TBXAS1: variants seen among roughly 807,000 people sequenced by gnomAD.
TBXAS1 encodes the protein thromboxane-A synthase.
A neutral mutation model predicts 60.7 loss-of-function variants in TBXAS1; 48 were observed. The ratio of observed to expected loss-of-function variants is 0.79; its 90% CI spans 0.63 to 1.01. The LOEUF is 1.01. TBXAS1 is among the 50% of genes least tolerant of loss of function. The pLI, the probability that TBXAS1 is intolerant of heterozygous loss-of-function variation, is 0.00. For missense variants in TBXAS1, 685 were observed against 686.3 expected (o/e 1.00, Z 0.02); for synonymous variants, 287 against 269.7 (o/e 1.06, Z -0.63).
intron 1 of TBXAS1, among the ~76,000 whole-genome samples, chr7:139,836,827 A>G (rs1209530968): frequency 6.6e-6 from 1 of 152,236 alleles, no homozygotes; most frequent in Non-Finnish European, 1.5e-5. Context: ...ACCTAATTAA[A>G]CTAAAGAGCT....
intron 5 of TBXAS1, among the ~76,000 whole-genome samples, chr7:139,941,909 G>A (rs1032535664): frequency 5.3e-5 from 8 of 152,214 alleles, no homozygotes; most frequent in Non-Finnish European, 8.8e-5. Flanking sequence ...GGGGACCCAG[G>A]TTAGCACTAG....
At chr7:139,820,920 C>G (rs1798279333) in intron 4 of TBXAS1, among the ~76,000 whole-genome samples, 1 of 152,212 alleles carries the variant, frequency 6.6e-6, no homozygotes, top group South Asian at 2.1e-4. Flanking sequence ...GTGGGTGTCT[C>G]TAAATCTAAG....
chr7:140,018,263 G>C (rs117670396), intron 12 of TBXAS1, among the ~76,000 whole-genome samples: 2,326 of 152,256 alleles, frequency 0.015, 28 homozygotes, highest in Non-Finnish European at 0.025. Context: ...CCTACAGAAG[G>C]TGGGGACACT....
chr7:139,920,656 T>A (rs568775345), intron 4 of TBXAS1, among the ~76,000 whole-genome samples: 41 of 152,328 alleles, frequency 2.7e-4, no homozygotes, highest in Non-Finnish European at 4.9e-4. Context: ...GCAACCCCAG[T>A]TACCAGCTTG....
At chr7:139,838,179 G>C (rs1271709713) in intron 1 of TBXAS1, among the ~76,000 whole-genome samples, 1 of 152,132 alleles carries the variant, frequency 6.6e-6, no homozygotes, top group African/African-American at 2.4e-5. Flanking sequence ...ACGCTGTCTG[G>C]GTGCTGTGAA....
intron 9 of TBXAS1, among the ~76,000 whole-genome samples, chr7:139,982,222 C>G (rs1038684590): frequency 6.6e-6 from 1 of 152,178 alleles, no homozygotes; most frequent in African/African-American, 2.4e-5. Context: ...TCACATTTAA[C>G]TGAATGGTTA....
At chr7:139,926,062 G>A (rs542850370) in intron 4 of TBXAS1, among the ~76,000 whole-genome samples, 1 of 152,078 alleles carries the variant, frequency 6.6e-6, no homozygotes, top group East Asian at 1.9e-4. Context: ...TTTTGCATCA[G>A]TGTTCTTCAG....
intron 3 of TBXAS1, among the ~76,000 whole-genome samples, chr7:139,880,766 T>G (rs1297554886): frequency 6.6e-6 from 1 of 152,234 alleles, no homozygotes; most frequent in Non-Finnish European, 1.5e-5. Context: ...ACCATCGCAG[T>G]GAAGATTTTC....
At chr7:140,014,434 G>A (rs1452093311) in intron 10 of TBXAS1, among the ~76,000 whole-genome samples, 1 of 152,180 alleles carries the variant, frequency 6.6e-6, no homozygotes, top group Admixed American at 6.5e-5. Flanking sequence ...AGGAGGCTTA[G>A]GAGATAATGG....
rs79405367 is a variant in TBXAS1, at chr7:139,979,296, G to A, written c.1134+17063G>A. Reference sequence around the variant, plus strand: ...ACTAAATCCCTAACGACATTAGAGCGAATAAATGGCATTTTTAACTTCAGC... The same window carrying A: ...ACTAAATCCCTAACGACATTAGAGCAAATAAATGGCATTTTTAACTTCAGC... On this transcript the variant is annotated intron_variant, in intron 9 of 12. Transcript: ENST00000448866. 3.5e-4 allele frequency among the ~76,000 whole-genome samples: 53 copies of A among 152,194 alleles called. 1 individual carries two copies. The East Asian group carries it at 7.7e-3, about 22-fold the overall frequency.
intron 8 of TBXAS1, 35 bp downstream of exon 8, chr7:139,957,799 G>T: frequency 6.2e-7 from 1 of 1,613,432 alleles, no homozygotes; most frequent in South Asian, 1.1e-5. Flanking sequence ...CCTTGAAATG[G>T]AATGGAGCCG....
intron 7 of TBXAS1, among the ~76,000 whole-genome samples, 155 bp downstream of exon 7, chr7:139,955,762 G>T (rs548609228): frequency 2.0e-5 from 3 of 152,178 alleles, no homozygotes; most frequent in Non-Finnish European, 4.4e-5. Flanking sequence ...GAGCCACCGG[G>T]TTCCTCTTGT....
intron 10 of TBXAS1, among the ~76,000 whole-genome samples, chr7:140,007,434 T>C (rs1814176949): frequency 1.3e-5 from 2 of 152,338 alleles, no homozygotes; most frequent in South Asian, 4.1e-4. Flanking sequence ...AGCTGGCCCT[T>C]TGGTCTCCTA....
intron 1 of TBXAS1, among the ~76,000 whole-genome samples, chr7:139,839,726 C>T (rs71543347): frequency 2.3e-4 from 34 of 147,006 alleles, no homozygotes; most frequent in African/African-American, 7.5e-4. Context: ...TGTGGTGGTG[C>T]GAGTCTGTAA....
chr7:139,971,763 T>C (rs931553405), intron 9 of TBXAS1, among the ~76,000 whole-genome samples: 1 of 152,198 alleles, frequency 6.6e-6, no homozygotes, highest in Non-Finnish European at 1.5e-5. Context: ...TGCCTCTCCC[T>C]GCCCACCCTC....
intron 4 of TBXAS1, among the ~76,000 whole-genome samples, chr7:139,929,917 T>G (rs1174938599): frequency 6.6e-6 from 1 of 152,182 alleles, no homozygotes; most frequent in African/African-American, 2.4e-5. Flanking sequence ...ACAGCGAGAT[T>G]CTTTAAAACA....
intron 9 of TBXAS1, among the ~76,000 whole-genome samples, chr7:140,006,776 T>G (rs559582879): frequency 1.3e-5 from 2 of 152,232 alleles, no homozygotes; most frequent in African/African-American, 4.8e-5. Flanking sequence ...GTAACGTCTA[T>G]GCTGCACTTG....
At chr7:139,949,476 T>C (rs1294850999) in intron 5 of TBXAS1, among the ~76,000 whole-genome samples, 1 of 152,200 alleles carries the variant, frequency 6.6e-6, no homozygotes. Flanking sequence ...CCAGTAAAGC[T>C]AGTTATAAAA....
intron 3 of TBXAS1, among the ~76,000 whole-genome samples, chr7:139,904,286 T>C (rs1268215039): frequency 6.6e-6 from 1 of 152,098 alleles, no homozygotes; most frequent in African/African-American, 2.4e-5. Flanking sequence ...GGGTTCTCTA[T>C]TCTCTTCCAT....
Sources: gnomAD v4.1 joint callset for allele counts (sites outside exome capture counted in the v4.1 genomes callset) on GRCh38, gnomAD v4.1.1 for gene constraint, MANE v1.5 for transcripts, NCBI Gene and HGNC (gene_info 2026-07-23, HGNC 2026-07-21) for gene names.